The following IL3RA variants were observed in gnomAD, a reference collection of about 807,000 sequenced individuals.
IL3RA encodes the protein interleukin 3 receptor subunit alpha, also known as interleukin-3 receptor subunit alpha.
In IL3RA, 73 loss-of-function variants were observed where a neutral mutation model predicts 52.3. The observed-to-expected ratio is 1.40, with a 90% CI of 1.16 to 1.70. IL3RA has a LOEUF of 1.70. Ranked by LOEUF, IL3RA falls within the 40% of genes most tolerant of loss-of-function variation. The pLI, the probability that IL3RA is intolerant of heterozygous loss-of-function variation, is 0.00. For missense variants in IL3RA, 664 were observed against 504.4 expected, an observed-to-expected ratio of 1.32 and a Z score of -3.03; for synonymous variants, 260 against 194.0, an observed-to-expected ratio of 1.34 and a Z score of -2.83.
intron 6 of IL3RA, among the ~76,000 whole-genome samples, chrX:1,352,848 G>A (rs1488198225): frequency 6.6e-6 from 1 of 151,494 alleles, no homozygotes; most frequent in Non-Finnish European, 1.5e-5. Flanking sequence ...CCCCATCATG[G>A]GTTCCATCAT....
rs149064100 is a variant in IL3RA, at chrX:1,356,230, C to T, written c.626C>T (p.Thr209Ile). The stretch of plus-strand genomic sequence containing the variant: ...TTTTTCTCGTTGCTAGAGATATTAA[C>T]TCCACCCAACATGACTGCAAAGTGT... ...FVVFSQIEIL[T>I]PPNMTAKCNK... Residue 209 changes from threonine (T) to isoleucine (I), a missense_variant, in exon 7 of 12, where the codon ACT becomes ATT. Coordinates refer to ENST00000331035, the MANE Select transcript of IL3RA (RefSeq NM_002183.4). The T allele has an allele frequency of 5.2e-5, 83 of 1,605,132 alleles. No homozygotes were observed. The highest frequency in any genetic ancestry group is 7.1e-5 in the Non-Finnish European group (83 of 1,172,696).
chrX:1,347,587 C>G (rs6645242), intron 3 of IL3RA, among the ~76,000 whole-genome samples: 75,028 of 151,290 alleles, frequency 0.5, 19,137 homozygotes, highest in Middle Eastern at 0.67. Flanking sequence ...CCACTGAAGT[C>G]TAGCCTGGGC....
At chrX:1,347,413 C>G (rs1273662006) in intron 3 of IL3RA, among the ~76,000 whole-genome samples, 6 of 151,236 alleles carry the variant, frequency 4.0e-5, no homozygotes, top group Non-Finnish European at 8.8e-5. Context: ...CCACTGCACT[C>G]CAGCCTGGGC....
At chrX:1,378,529 G>A in intron 9 of IL3RA, 130 bp from the exon 10 acceptor site, 1 of 742,562 alleles carries the variant, frequency 1.3e-6, no homozygotes. Flanking sequence ...CACTACTGGG[G>A]TGTCCCCCCC....
chrX:1,352,133 C>A lies in IL3RA; in HGVS notation c.332C>A (p.Thr111Asn). ...GKPWAGAENL[T>N]CWIHDVDFLS... ...CCTTGGGCAGGTGCGGAGAATCTGACCTGCTGGATTCATGACGTGGATTTC... is the reference window on the plus strand; with the variant it reads ...CCTTGGGCAGGTGCGGAGAATCTGAACTGCTGGATTCATGACGTGGATTTC... The change falls in exon 5 of 12, where the codon ACC (threonine) becomes AAC (asparagine). Residue 111 changes from threonine (T) to asparagine (N), a missense_variant. By Grantham distance (65) the Thr-to-Asn change is moderately conservative. Transcript: ENST00000331035. 6.2e-7 allele frequency: 1 copy of A among 1,613,800 alleles called. No individual in the cohort carries two copies. Among genetic ancestry groups the A allele is most frequent in the Non-Finnish European group, 8.5e-7 (1 of 1,179,808 alleles).
intron 9 of IL3RA, 52 bp downstream of exon 9, chrX:1,365,304 G>A (rs763497330): frequency 2.6e-5 from 32 of 1,225,924 alleles, no homozygotes; most frequent in Middle Eastern, 2.7e-4. Flanking sequence ...CGGGGTGCGC[G>A]GGGTGAGCGG....
intron 9 of IL3RA, among the ~76,000 whole-genome samples, chrX:1,365,485 GGGTGCGCGGGGTGAGCC>G (rs2087910549): frequency 2.1e-5 from 1 of 48,632 alleles, no homozygotes; most frequent in Non-Finnish European, 3.4e-5. Context: ...GGGGTGAGCC[GGGTGCGCGGGGTGAGCC>G]GGGTGAGCGG....
At chrX:1,349,460 G>A (rs1357216030) in intron 4 of IL3RA, among the ~76,000 whole-genome samples, 3 of 151,730 alleles carry the variant, frequency 2.0e-5, no homozygotes, top group African/African-American at 7.3e-5. Flanking sequence ...GAGTACAGGG[G>A]TGAGCCACCG....
intron 5 of IL3RA, 39 bp from the exon 6 acceptor site, chrX:1,352,283 C>T (rs368428277): frequency 3.7e-6 from 6 of 1,612,950 alleles, no homozygotes; most frequent in East Asian, 2.2e-5. Context: ...CGGGTGCCAT[C>T]GGCGTGGGGT....
chrX:1,347,109 A>G (rs1230276715), intron 3 of IL3RA, among the ~76,000 whole-genome samples: 1 of 151,476 alleles, frequency 6.6e-6, no homozygotes, highest in Non-Finnish European at 1.5e-5. Flanking sequence ...ACCTATATCA[A>G]AAGGCACTGA....
At chrX:1,352,649 C>G (rs17883192) in intron 6 of IL3RA, 143 bp downstream of exon 6, 625,420 of 849,656 alleles carry the variant, frequency 0.74, 235,023 homozygotes, top group African/African-American at 0.89. Context: ...TGGAGGTCAG[C>G]GTGCTGGCTG....
chrX:1,362,450 G>A (rs1216507944), intron 8 of IL3RA, among the ~76,000 whole-genome samples: 1 of 138,920 alleles, frequency 7.2e-6, no homozygotes, highest in African/African-American at 2.7e-5. Context: ...TTGTATCTCT[G>A]TCTCTCTCTG....
At chrX:1,353,881 T>C (rs189535147) in intron 6 of IL3RA, among the ~76,000 whole-genome samples, 2 of 118,206 alleles carry the variant, frequency 1.7e-5, no homozygotes, top group Non-Finnish European at 3.2e-5. Flanking sequence ...TAGGATCCCC[T>C]ATCATGGATT....
chrX:1,381,744 A>G (rs1944301413), intron 11 of IL3RA, among the ~76,000 whole-genome samples: 2 of 150,674 alleles, frequency 1.3e-5, no homozygotes, highest in African/African-American at 4.9e-5. Context: ...GGGTTTCACC[A>G]TGTTGGCCAG....
intron 1 of IL3RA, among the ~76,000 whole-genome samples, chrX:1,337,208 G>A (rs1189839851): frequency 1.3e-5 from 2 of 152,336 alleles, no homozygotes; most frequent in Non-Finnish European, 2.9e-5. Context: ...AGCATTAGGA[G>A]TAATTTGACA....
In IL3RA at chrX:1,348,513, C is replaced by T; in HGVS notation, c.266C>T (p.Pro89Leu). Reference sequence around the variant, plus strand: ...TACACCGTCCGAGTGGCCAACCCACCATTCTCCACGTGGATCCTCTTCCCT... The same window carrying T: ...TACACCGTCCGAGTGGCCAACCCACTATTCTCCACGTGGATCCTCTTCCCT... The part of the protein sequence containing the change: ...TNYTVRVANP[P>L]FSTWILFPEN... Residue 89 changes from proline (P) to leucine (L), a missense_variant, in exon 4 of 12, where the codon CCA (proline) becomes CTA (leucine). By Grantham distance (98) the Pro-to-Leu change is moderately conservative. Transcript: ENST00000331035. 6.2e-7 allele frequency: 1 copy of T among 1,613,804 alleles called. No homozygotes were observed. The highest frequency in any genetic ancestry group is 8.5e-7 in the Non-Finnish European group (1 of 1,179,754).
intron 11 of IL3RA, 40 bp from the exon 12 acceptor site, chrX:1,382,349 TGG>T: frequency 1.3e-6 from 2 of 1,523,642 alleles, no homozygotes; most frequent in South Asian, 1.1e-5. Context: ...CTCTGTTATC[TGG>T]GGGGTGGCCG....
chrX:1,343,031 C>T (rs17880504), intron 2 of IL3RA, among the ~76,000 whole-genome samples: 2,012 of 151,714 alleles, frequency 0.013, 26 homozygotes, highest in Middle Eastern at 0.037. Context: ...GCCTAGATCA[C>T]GCCATTGCAC....
intron 9 of IL3RA, among the ~76,000 whole-genome samples, chrX:1,368,528 T>A (rs1240727295): frequency 6.6e-6 from 1 of 152,116 alleles, no homozygotes; most frequent in Non-Finnish European, 1.5e-5. Flanking sequence ...TCAAAATTCG[T>A]GTGTTGAAGC....
Sources: gnomAD v4.1 joint callset for allele counts (sites outside exome capture counted in the v4.1 genomes callset) on GRCh38, gnomAD v4.1.1 for gene constraint, MANE v1.5 for transcripts, NCBI Gene and HGNC (gene_info 2026-07-23, HGNC 2026-07-21) for gene names.